SLC44A5: variants seen among roughly 807,000 people sequenced by gnomAD.
The protein encoded by SLC44A5 is choline transporter-like protein 5.
A neutral mutation model predicts 101.8 loss-of-function variants in SLC44A5; 57 were observed. The ratio of observed to expected loss-of-function variants is 0.56; its 90% CI spans 0.45 to 0.70. The LOEUF (loss-of-function observed/expected upper bound fraction) is 0.70. Ranked by LOEUF, SLC44A5 falls within the 30% of genes least tolerant of loss-of-function variation. The pLI is 0.00. For synonymous variants in SLC44A5, 281 were observed against 290.9 expected, an observed-to-expected ratio of 0.97 and a Z score of 0.35; for missense variants, 737 against 853.1, an observed-to-expected ratio of 0.86 and a Z score of 1.70.
the SLC44A5 span, among the ~76,000 whole-genome samples, chr1:75,666,899 A>T: frequency 1.3e-5 from 2 of 152,224 alleles, no homozygotes; most frequent in Non-Finnish European, 2.9e-5. Flanking sequence ...CTTCATGCTA[A>T]AAACTCTCAA....
In SLC44A5 at chr1:75,386,746, C is replaced by T. The variant is rs570030244; in HGVS notation, c.52+9837G>A. On this transcript the variant is annotated intron_variant, in intron 3 of 23. Transcript: ENST00000370859. ...TATGGAACCAAAAAAGAGCCCGCAT[C>T]GCCAAGGCAATCCTAAGCCAAAAGA... Among the ~76,000 whole-genome samples, 846 of 151,018 alleles carry T rather than the reference C, an allele frequency of 5.6e-3. 6 individuals are homozygous for T. Among genetic ancestry groups the T allele is most frequent in the African/African-American group, 0.019 (799 of 41,184 alleles).
At chr1:75,682,865 G>A in the SLC44A5 span, among the ~76,000 whole-genome samples, 1 of 152,086 alleles carries the variant, frequency 6.6e-6, no homozygotes, top group African/African-American at 2.4e-5. Context: ...ATCTGTCAAA[G>A]GGCTAATATC....
At chr1:75,226,114 G>A (rs190949111) in intron 13 of SLC44A5, among the ~76,000 whole-genome samples, 23 of 152,242 alleles carry the variant, frequency 1.5e-4, no homozygotes, top group Non-Finnish European at 2.8e-4. Context: ...GATTTTTGCA[G>A]TTAAAAAGGA....
chr1:75,371,037 C>T (rs188216664), intron 3 of SLC44A5, among the ~76,000 whole-genome samples: 3 of 152,206 alleles, frequency 2.0e-5, no homozygotes, highest in Admixed American at 2.0e-4. Flanking sequence ...GAGAAAACTC[C>T]TCAGTTTTCC....
chr1:75,718,101 CT>C, the SLC44A5 span, among the ~76,000 whole-genome samples: 1 of 152,188 alleles, frequency 6.6e-6, no homozygotes, highest in Non-Finnish European at 1.5e-5. Context: ...TGTAAATAAA[CT>C]TTATATAAAG....
At chr1:75,577,880 G>A (rs900089947) in intron 1 of SLC44A5, among the ~76,000 whole-genome samples, 2 of 152,038 alleles carry the variant, frequency 1.3e-5, no homozygotes, top group African/African-American at 2.4e-5. Flanking sequence ...AATGTTAGTT[G>A]TTGTTTACTC....
intron 1 of SLC44A5, among the ~76,000 whole-genome samples, chr1:75,601,437 A>G (rs1364047424): frequency 9.5e-6 from 1 of 105,750 alleles, no homozygotes; most frequent in Non-Finnish European, 2.3e-5. Flanking sequence ...AATGTAAATG[A>G]CGGGTTGATG....
Position 75,234,111 on chromosome 1 carries a change from C to G in SLC44A5, c.741-13G>C, listed in dbSNP as rs1390243685. On this transcript the variant is annotated splice_polypyrimidine_tract_variant and intron_variant, in intron 11 of 23. Coordinates refer to ENST00000370859, the MANE Select transcript of SLC44A5 (RefSeq NM_001130058.2). ...AATCGTCAGGCCACTAGAAAAAACC[C>G]ACAACAAACACAGTGGTCAAGTGTG... The G allele has an allele frequency of 6.3e-7, 1 of 1,578,598 alleles. No homozygotes were observed. Among genetic ancestry groups the G allele is most frequent in the Non-Finnish European group, 8.7e-7 (1 of 1,148,234 alleles).
chr1:75,353,998 G>T (rs1658880785), intron 3 of SLC44A5: 1 of 356,988 alleles, frequency 2.8e-6, no homozygotes, highest in South Asian at 2.2e-5. Flanking sequence ...TTGAAGGCCT[G>T]CAAATTAACA....
intron 6 of SLC44A5, among the ~76,000 whole-genome samples, chr1:75,271,841 A>G (rs1651506281): frequency 6.6e-6 from 1 of 152,026 alleles, no homozygotes; most frequent in Non-Finnish European, 1.5e-5. Context: ...CAGTAATGGG[A>G]TTGCTGAATC....
At chr1:75,434,078 CG>C (rs1373738833) in intron 2 of SLC44A5, among the ~76,000 whole-genome samples, 23 of 152,100 alleles carry the variant, frequency 1.5e-4, no homozygotes, top group African/African-American at 5.3e-4. Flanking sequence ...AGATGAAATT[CG>C]GATGGAGACA....
chr1:75,203,675 C>A lies in SLC44A5; in HGVS notation c.*52G>T. On this transcript the variant is annotated 3_prime_UTR_variant, in exon 24 of 24. Coordinates refer to ENST00000370859, the MANE Select transcript of SLC44A5 (RefSeq NM_001130058.2). ...TTATGAAACAAATGTTGCACAGACA[C>A]AGCAGATGGAGAAAAGGTAACACAC... 1 of 1,515,444 alleles carries A rather than the reference C, an allele frequency of 6.6e-7. No homozygotes were observed. The highest frequency in any genetic ancestry group is 8.8e-7 in the Non-Finnish European group (1 of 1,130,342). The allele number at this position is 1,515,444 out of a possible 1,614,324, so 93.9% of individuals were successfully genotyped here. A position where few individuals can be genotyped will look rare whatever the true frequency, so the allele number is the denominator to read the frequency against.
At chr1:75,649,070 T>C in the SLC44A5 span, among the ~76,000 whole-genome samples, 9 of 152,222 alleles carry the variant, frequency 5.9e-5, no homozygotes, top group Non-Finnish European at 1.3e-4. Context: ...CTGTGCCTAG[T>C]AGTTGTTCAG....
intron 9 of SLC44A5, among the ~76,000 whole-genome samples, chr1:75,240,638 C>A (rs1388881493): frequency 6.6e-6 from 1 of 152,046 alleles, no homozygotes; most frequent in Non-Finnish European, 1.5e-5. Context: ...GTGGGACCTA[C>A]ATCTTTGCTT....
chr1:75,527,155 GAAAAGAAAAGA>G (rs1369985761), intron 2 of SLC44A5, among the ~76,000 whole-genome samples: 35 of 138,650 alleles, frequency 2.5e-4, no homozygotes, highest in South Asian at 6.7e-4. Flanking sequence ...AAAAAAAAAA[GAAAAGAAAAGA>G]AAAAGAAAAG....
chr1:75,424,183 C>G (rs1047080467), intron 2 of SLC44A5, among the ~76,000 whole-genome samples: 1 of 152,158 alleles, frequency 6.6e-6, no homozygotes. Flanking sequence ...CATATAGAAC[C>G]GATGACTCTC....
the SLC44A5 span, among the ~76,000 whole-genome samples, chr1:75,704,732 T>C: frequency 6.6e-6 from 1 of 152,228 alleles, no homozygotes; most frequent in Admixed American, 6.5e-5. Context: ...TAATATTATT[T>C]CTATGTAGAC....
intron 2 of SLC44A5, among the ~76,000 whole-genome samples, chr1:75,482,263 A>T (rs1266316371): frequency 1.3e-5 from 2 of 148,204 alleles, no homozygotes; most frequent in Non-Finnish European, 3.0e-5. Context: ...CACTCTAGGG[A>T]CTGTTGTGGG....
chr1:75,221,074 G>C (rs1414236789), intron 14 of SLC44A5, among the ~76,000 whole-genome samples: 1 of 152,144 alleles, frequency 6.6e-6, no homozygotes. Flanking sequence ...TACTACTTAA[G>C]AAATAAACCC....
Sources: allele counts gnomAD v4.1 joint callset (sites outside exome capture counted in the v4.1 genomes callset), GRCh38; gene constraint gnomAD v4.1.1; transcripts MANE v1.5; gene names NCBI Gene and HGNC (gene_info 2026-07-23, HGNC 2026-07-21).